The following ARFGEF2 variants were observed in gnomAD, a reference collection of about 807,000 sequenced individuals.
ARFGEF2 encodes ARF guanine nucleotide exchange factor 2.
In ARFGEF2, 74 loss-of-function variants were observed where a neutral mutation model predicts 219.9. The ratio of observed to expected loss-of-function variants is 0.34; its 90% confidence interval spans 0.28 to 0.41. The LOEUF is 0.41. ARFGEF2 is among the 10% of genes least tolerant of loss of function. The pLI is 1.00. For synonymous variants in ARFGEF2, 733 were observed against 799.2 expected (o/e 0.92, Z 1.40); for missense variants, 1,743 against 2,218.3 (o/e 0.79, Z 4.30).
chr20:49,028,706 A>G lies in ARFGEF2; in HGVS notation c.5063+38A>G, dbSNP rs373397112. The G allele has an allele frequency of 3.2e-5, 51 of 1,594,928 alleles. No homozygotes were observed. The East Asian group carries it at 3.8e-4, about 12-fold the overall frequency. On this transcript the variant is annotated intron_variant, in intron 37 of 38. Coordinates refer to ENST00000371917, the MANE Select transcript of ARFGEF2 (RefSeq NM_006420.3). Reference sequence around the variant, plus strand: ...GTTTCTGATTAGATTTCTATCTGCTATATACAAAATGCATCACAGCAATAC... The same window carrying G: ...GTTTCTGATTAGATTTCTATCTGCTGTATACAAAATGCATCACAGCAATAC...
chr20:48,935,672 G>A (rs1178315843), intron 1 of ARFGEF2, among the ~76,000 whole-genome samples: 9 of 151,820 alleles, frequency 5.9e-5, no homozygotes, highest in South Asian at 2.1e-4. Flanking sequence ...AGGGGCGGCC[G>A]GGCAGAGGCG....
intron 20 of ARFGEF2, 114 bp from the exon 21 acceptor site, chr20:48,990,926 A>C (rs2091354094): frequency 2.5e-6 from 3 of 1,177,350 alleles, no homozygotes; most frequent in Non-Finnish European, 2.5e-6. Context: ...GCAGAAAGCC[A>C]GTCAATGTGC....
chr20:48,971,477 T>C, intron 10 of ARFGEF2, 123 bp downstream of exon 10: 1 of 914,222 alleles, frequency 1.1e-6, no homozygotes, highest in Non-Finnish European at 1.7e-6. Context: ...TTCATGAAAA[T>C]GTTTCATATC....
At chr20:48,930,278 T>C (rs566894274) in intron 1 of ARFGEF2, among the ~76,000 whole-genome samples, 1 of 152,324 alleles carries the variant, frequency 6.6e-6, no homozygotes, top group South Asian at 2.1e-4. Flanking sequence ...GGCAGAGCCC[T>C]CGTGACCTAA....
In ARFGEF2 at chr20:49,012,496, TTTTG is replaced by T. The variant is rs112755167; in HGVS notation, c.3918+428_3918+431del. ...TGTTTTCTCCTGAAAATGATGGGGT[TTTTG>T]TTTGTTTGTTTGTTTTTTTGATGTG... On this transcript the variant is annotated intron_variant, in intron 28 of 38. Coordinates refer to ENST00000371917, the MANE Select transcript of ARFGEF2 (RefSeq NM_006420.3). Among the ~76,000 whole-genome samples, 19 of 97,686 alleles carry T rather than the reference TTTTG, an allele frequency of 1.9e-4. No homozygotes were observed. The South Asian group carries it at 3.3e-3, about 17-fold the overall frequency. The allele number at this position is 97,686 out of a possible 152,430, so 64.1% of individuals were successfully genotyped here.
rs980867819 is a variant in ARFGEF2 at position 48,990,148 on chromosome 20, C to T, written c.2814+464C>T. On this transcript the variant is annotated intron_variant, in intron 20 of 38. Transcript: ENST00000371917. ...GAGCCGAGATCGCGCCATTTTACTC[C>T]AGCCTGGGTGACAAGAACGAAACTC... 2.6e-5 allele frequency among the ~76,000 whole-genome samples: 4 copies of T among 152,290 alleles called. 1 individual carries two copies. The highest frequency in any genetic ancestry group is 2.6e-4 in the Admixed American group (4 of 15,300).
intron 9 of ARFGEF2, among the ~76,000 whole-genome samples, chr20:48,969,611 G>T (rs982782942): frequency 6.6e-6 from 1 of 152,232 alleles, no homozygotes; most frequent in Non-Finnish European, 1.5e-5. Flanking sequence ...GGGACAGGAT[G>T]CCTGCAAACC....
chr20:49,023,544 T>G (rs1254601453), intron 35 of ARFGEF2, among the ~76,000 whole-genome samples: 11 of 150,214 alleles, frequency 7.3e-5, no homozygotes, highest in African/African-American at 2.0e-4. Flanking sequence ...TTTGTTTTTT[T>G]TTTTGTTTTT....
intron 9 of ARFGEF2, 31 bp from the exon 10 acceptor site, chr20:48,971,089 C>A: frequency 6.3e-7 from 1 of 1,576,514 alleles, no homozygotes; most frequent in Non-Finnish European, 8.7e-7. Context: ...TTTCTTTTAG[C>A]ACTGTTGTGG....
chr20:49,030,988 G>A (rs553454119), intron 37 of ARFGEF2, among the ~76,000 whole-genome samples: 7 of 152,052 alleles, frequency 4.6e-5, no homozygotes, highest in South Asian at 2.1e-4. Context: ...GCAAGACTCC[G>A]TCTCAAAATA....
rs912846902 is a variant in ARFGEF2 at position 48,941,063 on chromosome 20, C to T, written c.122-136C>T. ...TTATTGCTGTTACAATTATTTCTTT[C>T]ACTTCATATCAGCATTTTTGTATTT... On this transcript the variant is annotated intron_variant, in intron 1 of 38. Coordinates refer to ENST00000371917, the MANE Select transcript of ARFGEF2 (RefSeq NM_006420.3). 32 of 770,314 alleles carry T rather than the reference C, an allele frequency of 4.2e-5. No individual in the cohort carries two copies. The African/African-American group carries it at 4.2e-4, about 10-fold the overall frequency. 47.7% of individuals were successfully genotyped at this position (770,314 alleles called of 1,614,324 possible). A position where few individuals can be genotyped will look rare whatever the true frequency, so the allele number is the denominator to read the frequency against.
intron 26 of ARFGEF2, among the ~76,000 whole-genome samples, chr20:49,006,157 G>C (rs2091458167): frequency 6.6e-6 from 1 of 152,040 alleles, no homozygotes; most frequent in Non-Finnish European, 1.5e-5. Flanking sequence ...AGCCGGGCGT[G>C]GTGGTGGGCG....
At chr20:48,964,256 G>A (rs1032425139) in intron 7 of ARFGEF2, among the ~76,000 whole-genome samples, 3 of 152,128 alleles carry the variant, frequency 2.0e-5, no homozygotes, top group Admixed American at 2.0e-4. Flanking sequence ...AATACAAAAA[G>A]TAGCCGGGCG....
intron 20 of ARFGEF2, 103 bp downstream of exon 20, chr20:48,989,787 T>C: frequency 6.5e-7 from 1 of 1,541,098 alleles, no homozygotes; most frequent in Non-Finnish European, 8.9e-7. Flanking sequence ...ATCAAGACTC[T>C]TAGCAAGCTA....
At chr20:49,017,959 T>C (rs1162168528) in intron 33 of ARFGEF2, among the ~76,000 whole-genome samples, 1 of 152,242 alleles carries the variant, frequency 6.6e-6, no homozygotes, top group East Asian at 1.9e-4. Flanking sequence ...AGTTCTAGGC[T>C]TTCAACATTG....
intron 6 of ARFGEF2, among the ~76,000 whole-genome samples, chr20:48,962,093 T>A (rs189647035): frequency 1.3e-5 from 2 of 152,246 alleles, no homozygotes; most frequent in East Asian, 3.9e-4. Context: ...GACAGGAGAA[T>A]TGCTTGAACC....
At position 48,995,862 on chromosome 20, in the gene ARFGEF2, TGTG is replaced by T; in HGVS notation, c.3204_3206del (p.Val1070del). The T allele has an allele frequency of 6.2e-7, 1 of 1,613,804 alleles. No homozygotes were observed. The highest frequency in any genetic ancestry group is 8.5e-7 in the Non-Finnish European group (1 of 1,179,942). On this transcript the variant is annotated inframe_deletion, in exon 23 of 39. Coordinates refer to ENST00000371917, the MANE Select transcript of ARFGEF2 (RefSeq NM_006420.3). ...CGGTTGGTGAGACCAGCTCGCAGAG[TGTG>T]GTTGTAGCTGTGGACAGGTAATGAT...
At chr20:48,984,889 G>A in intron 15 of ARFGEF2, 49 bp downstream of exon 15, 1 of 1,611,734 alleles carries the variant, frequency 6.2e-7, no homozygotes, top group Non-Finnish European at 8.5e-7. Context: ...TCAGGTGATT[G>A]TGAGCCCTTA....
chr20:49,035,879 T>C lies in ARFGEF2; in HGVS notation c.*2680T>C. 3.3e-6 allele frequency: 1 copy of C among 304,940 alleles called. No homozygotes were observed. Among genetic ancestry groups the C allele is most frequent in the Non-Finnish European group, 5.9e-6 (1 of 168,240 alleles). 18.9% of individuals were successfully genotyped at this position (304,940 alleles called of 1,614,324 possible). ...TCTGATACGCATCTTTAGAGTCAAA[T>C]ATATCTTTTCCCTGTACTCCTCATG... On this transcript the variant is annotated 3_prime_UTR_variant, in exon 39 of 39. Coordinates refer to ENST00000371917, the MANE Select transcript of ARFGEF2 (RefSeq NM_006420.3).
Sources: allele counts gnomAD v4.1 joint callset (sites outside exome capture counted in the v4.1 genomes callset), GRCh38; gene constraint gnomAD v4.1.1; transcripts MANE v1.5; gene names NCBI Gene and HGNC (gene_info 2026-07-23, HGNC 2026-07-21).